The following ITSN1 variants were observed in gnomAD, a reference collection of about 807,000 sequenced individuals.
The protein encoded by ITSN1 is intersectin 1.
In ITSN1, 58 loss-of-function variants were observed where a neutral mutation model predicts 239.8. That is an observed-to-expected ratio of 0.24 (90% CI 0.20 to 0.30). ITSN1 has a LOEUF of 0.30. Among genes scored for constraint, ITSN1 ranks in the 10% least tolerant of loss-of-function variants. ITSN1 has a pLI of 1.00. For missense variants in ITSN1, 1,558 were observed against 2,103.3 expected, an observed-to-expected ratio of 0.74 and a Z score of 5.07; for synonymous variants, 780 against 770.8, an observed-to-expected ratio of 1.01 and a Z score of -0.20.
chr21:33,671,814 A>C (rs1427172461), intron 1 of ITSN1, among the ~76,000 whole-genome samples: 1 of 152,120 alleles, frequency 6.6e-6, no homozygotes, highest in African/African-American at 2.4e-5. Flanking sequence ...AAATAAATAA[A>C]TAACTTACAA....
intron 8 of ITSN1, among the ~76,000 whole-genome samples, chr21:33,758,216 C>T (rs575305157): frequency 4.6e-5 from 7 of 152,124 alleles, no homozygotes; most frequent in Non-Finnish European, 7.3e-5. Flanking sequence ...CTGGATTTCC[C>T]AGGCTCGGGG....
At chr21:33,719,075 T>C (rs2065331039) in intron 2 of ITSN1, among the ~76,000 whole-genome samples, 1 of 152,220 alleles carries the variant, frequency 6.6e-6, no homozygotes, top group Non-Finnish European at 1.5e-5. Flanking sequence ...ATAAATATTT[T>C]AGTATGTGTA....
At chr21:33,726,420 C>G (rs1309886177) in intron 4 of ITSN1, among the ~76,000 whole-genome samples, 1 of 152,018 alleles carries the variant, frequency 6.6e-6, no homozygotes, top group Admixed American at 6.6e-5. Flanking sequence ...GTCCTTACTC[C>G]TTTTGGTAGA....
intron 16 of ITSN1, among the ~76,000 whole-genome samples, chr21:33,791,485 T>G (rs1405613667): frequency 6.6e-6 from 1 of 152,282 alleles, no homozygotes; most frequent in Admixed American, 6.5e-5. Flanking sequence ...TCTTTTTTCA[T>G]GTATTTGATA....
chr21:33,853,180 T>C (rs1375233678), intron 29 of ITSN1, among the ~76,000 whole-genome samples: 6 of 152,202 alleles, frequency 3.9e-5, no homozygotes, highest in African/African-American at 9.6e-5. Flanking sequence ...TTGCTTTTCA[T>C]TGTGTTCTGC....
intron 1 of ITSN1, among the ~76,000 whole-genome samples, chr21:33,651,137 T>C (rs558817502): frequency 9.1e-4 from 138 of 152,330 alleles, no homozygotes; most frequent in Middle Eastern, 3.4e-3. Context: ...TTGAGGTCCT[T>C]CAAGCCTGGA....
At chr21:33,866,020 A>G (rs1221205415) in intron 32 of ITSN1, among the ~76,000 whole-genome samples, 2 of 152,232 alleles carry the variant, frequency 1.3e-5, no homozygotes, top group East Asian at 3.8e-4. Flanking sequence ...GAGGAAGAGA[A>G]TAAAATAGCT....
chr21:33,840,283 G>A (rs570288450), intron 29 of ITSN1, among the ~76,000 whole-genome samples: 88 of 152,278 alleles, frequency 5.8e-4, no homozygotes, highest in Non-Finnish European at 3.4e-4. Flanking sequence ...AATTAGTGAA[G>A]GGATACTAGG....
At chr21:33,822,906 A>G (rs1437537129) in intron 24 of ITSN1, among the ~76,000 whole-genome samples, 2 of 152,228 alleles carry the variant, frequency 1.3e-5, no homozygotes, top group Non-Finnish European at 2.9e-5. Flanking sequence ...ACAGCTTCCT[A>G]TCATATTGTG....
intron 1 of ITSN1, among the ~76,000 whole-genome samples, chr21:33,649,226 A>T (rs1244849951): frequency 2.0e-5 from 3 of 152,116 alleles, no homozygotes; most frequent in Non-Finnish European, 2.9e-5. Flanking sequence ...GCCACTTTGG[A>T]GATAGAAAGT....
intron 34 of ITSN1, among the ~76,000 whole-genome samples, chr21:33,881,470 C>A (rs980883313): frequency 1.3e-5 from 2 of 151,846 alleles, no homozygotes; most frequent in Non-Finnish European, 2.9e-5. Context: ...TGCCAGGGGC[C>A]CGGACTGCAG....
At chr21:33,657,591 A>G (rs184516497) in intron 1 of ITSN1, among the ~76,000 whole-genome samples, 223 of 152,176 alleles carry the variant, frequency 1.5e-3, no homozygotes, top group African/African-American at 5.3e-3. Flanking sequence ...TGTAATGATG[A>G]TGTTCTGATA....
chr21:33,823,444 A>C (rs1257747004), intron 24 of ITSN1, 43 bp from the exon 25 acceptor site: 1 of 1,565,058 alleles, frequency 6.4e-7, no homozygotes. Flanking sequence ...GATTTCTTTA[A>C]ACAATCAAGC....
intron 29 of ITSN1, among the ~76,000 whole-genome samples, chr21:33,843,503 C>G (rs1336617555): frequency 6.6e-6 from 1 of 152,246 alleles, no homozygotes; most frequent in Non-Finnish European, 1.5e-5. Flanking sequence ...AATGTAAGAA[C>G]ATGTGCTGCT....
chr21:33,771,872 G>A (rs1470981013), intron 11 of ITSN1, among the ~76,000 whole-genome samples, 189 bp from the exon 12 acceptor site: 2 of 152,208 alleles, frequency 1.3e-5, no homozygotes, highest in Non-Finnish European at 2.9e-5. Context: ...TTGGCGTGGA[G>A]GAGAAGATAT....
chr21:33,790,643 T>C (rs1483331565), intron 16 of ITSN1, among the ~76,000 whole-genome samples: 1 of 152,226 alleles, frequency 6.6e-6, no homozygotes, highest in Non-Finnish European at 1.5e-5. Flanking sequence ...GACTTTTGAT[T>C]CGTGGTAATT....
intron 12 of ITSN1, among the ~76,000 whole-genome samples, chr21:33,773,541 A>G (rs567713155): frequency 6.6e-6 from 1 of 152,246 alleles, no homozygotes; most frequent in Admixed American, 6.5e-5. Flanking sequence ...CTGTGCCTCA[A>G]GCCTGTAATC....
At position 33,894,886 on chromosome 21, in the gene ITSN1, G is replaced by GA. The variant is rs1986604790; in HGVS notation, c.*6586_*6587insA. 1 of 152,254 alleles carries GA rather than the reference G, an allele frequency of 6.6e-6. No homozygotes were observed. The highest frequency in any genetic ancestry group is 2.1e-4 in the South Asian group (1 of 4,834). The allele number at this position is 152,254 out of a possible 1,614,324, so 9.4% of individuals were successfully genotyped here. A position where few individuals can be genotyped will look rare whatever the true frequency, so the allele number is the denominator to read the frequency against. ...TGCACTGTCACCGGCGGGGGTGGAG[G>GA]GTCTCCCTGTAGGAGGAGGAAACTC... On this transcript the variant is annotated 3_prime_UTR_variant, in exon 40 of 40. Coordinates refer to ENST00000381318, the MANE Select transcript of ITSN1 (RefSeq NM_003024.3).
At chr21:33,802,346 A>C in intron 19 of ITSN1, 84 bp from the exon 20 acceptor site, 3 of 1,360,456 alleles carry the variant, frequency 2.2e-6, no homozygotes, top group Non-Finnish European at 3.1e-6. Flanking sequence ...TGAGATGCGT[A>C]GAGTTTAGAT....
Sources: gnomAD v4.1 joint callset for allele counts (sites outside exome capture counted in the v4.1 genomes callset) on GRCh38, gnomAD v4.1.1 for gene constraint, MANE v1.5 for transcripts, NCBI Gene and HGNC (gene_info 2026-07-23, HGNC 2026-07-21) for gene names.